The following SMOC2 variants were observed in gnomAD, a reference collection of about 807,000 sequenced individuals.
SMOC2 encodes SPARC related modular calcium binding 2, also known as SPARC-related modular calcium-binding protein 2.
In SMOC2, 39 loss-of-function variants were observed where a neutral mutation model predicts 61.4. That is an observed-to-expected ratio of 0.64 (90% confidence interval 0.49 to 0.83). The LOEUF is 0.83. SMOC2 is among the 40% of genes least tolerant of loss of function. The pLI is 0.00. For synonymous variants in SMOC2, 247 were observed against 239.9 expected, an observed-to-expected ratio of 1.03 and a Z score of -0.27; for missense variants, 556 against 592.9, an observed-to-expected ratio of 0.94 and a Z score of 0.65.
At chr6:168,592,466 C>T (rs1442637358) in intron 7 of SMOC2, among the ~76,000 whole-genome samples, 1 of 71,702 alleles carries the variant, frequency 1.4e-5, no homozygotes, top group Non-Finnish European at 2.9e-5. Flanking sequence ...TTCCTGAGGC[C>T]TCACGAGGGG....
At chr6:168,639,148 T>TA (rs1459804346) in intron 9 of SMOC2, among the ~76,000 whole-genome samples, 1 of 152,190 alleles carries the variant, frequency 6.6e-6, no homozygotes, top group Non-Finnish European at 1.5e-5. Context: ...GATGCAGCCA[T>TA]ACTCTGGCGT....
intron 1 of SMOC2, among the ~76,000 whole-genome samples, chr6:168,449,425 TAAC>T (rs1781409580): frequency 6.6e-6 from 1 of 152,154 alleles, no homozygotes; most frequent in Admixed American, 6.6e-5. Context: ...AAATTTCAAA[TAAC>T]AAAGGAAATT....
At chr6:168,602,014 A>G (rs1785565862) in intron 8 of SMOC2, among the ~76,000 whole-genome samples, 1 of 152,226 alleles carries the variant, frequency 6.6e-6, no homozygotes, top group South Asian at 2.1e-4. Flanking sequence ...TTGATTCTGC[A>G]TGTAATTTTA....
intron 1 of SMOC2, among the ~76,000 whole-genome samples, chr6:168,488,509 T>A (rs1249936284): frequency 6.6e-6 from 1 of 152,200 alleles, no homozygotes; most frequent in Non-Finnish European, 1.5e-5. Context: ...CTGGCCTGTC[T>A]CCACTCCTGG....
chr6:168,505,527 G>A (rs1455807586), intron 1 of SMOC2, among the ~76,000 whole-genome samples: 1 of 152,122 alleles, frequency 6.6e-6, no homozygotes, highest in Non-Finnish European at 1.5e-5. Context: ...ATGACTGAAT[G>A]AAATGTCCGT....
chr6:168,606,657 G>T (rs550566138), intron 8 of SMOC2, among the ~76,000 whole-genome samples: 1 of 152,300 alleles, frequency 6.6e-6, no homozygotes, highest in African/African-American at 2.4e-5. Context: ...GGATCTTGTA[G>T]CCCTTTCTTT....
At chr6:168,599,723 C>T (rs549732384) in intron 8 of SMOC2, among the ~76,000 whole-genome samples, 2 of 143,562 alleles carry the variant, frequency 1.4e-5, no homozygotes, top group South Asian at 4.5e-4. Context: ...CACACAACCA[C>T]TAATACTCTC....
intron 7 of SMOC2, among the ~76,000 whole-genome samples, chr6:168,551,180 G>A (rs1784121254): frequency 6.6e-6 from 1 of 152,148 alleles, no homozygotes. Flanking sequence ...TGATGAAGGT[G>A]CCTTGCTTCC....
intron 9 of SMOC2, among the ~76,000 whole-genome samples, chr6:168,618,636 G>T (rs554285524): frequency 6.6e-6 from 1 of 152,270 alleles, no homozygotes; most frequent in South Asian, 2.1e-4. Flanking sequence ...GCGAGTCAAG[G>T]AGAGGTGGTA....
rs773868446 is a variant in SMOC2, at chr6:168,598,767, G to A, written c.638-51G>A. 7 of 1,593,232 alleles carry A rather than the reference G, an allele frequency of 4.4e-6. No homozygotes were observed. The South Asian group carries it at 6.8e-5, about 15-fold the overall frequency. The stretch of plus-strand genomic sequence containing the variant: ...GTGGCCTCCCAAGAGCTCTGCATGT[G>A]GGACGACGTCGCTGGATCCTGCTCA... On this transcript the variant is annotated intron_variant, in intron 7 of 12. Transcript: ENST00000356284.
chr6:168,598,884 T>C lies in SMOC2; in HGVS notation c.704T>C (p.Val235Ala). The C allele has an allele frequency of 6.2e-7, 1 of 1,613,832 alleles. No homozygotes were observed. The highest frequency in any genetic ancestry group is 1.1e-5 in the South Asian group (1 of 91,078). Residue 235 changes from valine to alanine, a missense_variant, in exon 8 of 13, where the codon GTG becomes GCG. Val to Ala is a moderately conservative substitution (Grantham distance 64). Transcript: ENST00000356284. The part of the protein sequence containing the change: ...EEAKQPKNDN[V>A]VIPECAHGGL... ...GCCAAGCAGCCCAAGAACGACAATG[T>C]GGTGATCCCTGAGTGTGCGCACGGC...
intron 1 of SMOC2, among the ~76,000 whole-genome samples, chr6:168,451,628 T>TCTCC (rs959325689): frequency 3.4e-5 from 5 of 145,182 alleles, no homozygotes; most frequent in Admixed American, 6.9e-5. Context: ...TCTCTCTCTC[T>TCTCC]CCCTCCCTCT....
intron 7 of SMOC2, among the ~76,000 whole-genome samples, chr6:168,579,122 T>C (rs1266829872): frequency 6.6e-6 from 1 of 152,228 alleles, no homozygotes; most frequent in Non-Finnish European, 1.5e-5. Context: ...CTAGTAAGAA[T>C]TCAAACCGGG....
At chr6:168,596,094 C>T (rs1562370047) in intron 7 of SMOC2, among the ~76,000 whole-genome samples, 1 of 98,164 alleles carries the variant, frequency 1.0e-5, no homozygotes, top group African/African-American at 3.6e-5. Context: ...GAGGCATGAA[C>T]AAGCGCCACG....
At chr6:168,514,706 TG>T (rs11318542) in intron 2 of SMOC2, among the ~76,000 whole-genome samples, 29,008 of 152,188 alleles carry the variant, frequency 0.19, 2,969 homozygotes, top group Admixed American at 0.24. Context: ...GCTGTAGAAG[TG>T]GGGAGGTCAC....
At position 168,475,782 on chromosome 6, in the gene SMOC2, A is replaced by G. The variant is rs1297329594; in HGVS notation, c.85-34133A>G. 6.6e-6 allele frequency among the ~76,000 whole-genome samples: 1 copy of G among 152,082 alleles called. No homozygotes were observed. Among genetic ancestry groups the G allele is most frequent in the African/African-American group, 2.4e-5 (1 of 41,452 alleles). On this transcript the variant is annotated intron_variant, in intron 1 of 12. Coordinates refer to ENST00000356284, the MANE Select transcript of SMOC2 (RefSeq NM_001166412.2). This position sits in a 1 kb window ranked among gnomAD's most constrained non-coding sequence, Gnocchi z 4.6. ...TATTGGTGGAATAGGCAGGAGAGGG[A>G]GACAACGTCTCCGGAGCCAGTGGGT...
rs1003207191 is a variant in SMOC2, at chr6:168,475,341, C to T, written c.84+33887C>T. Reference sequence around the variant, plus strand: ...TCTCTGTGGACGTAGATTAAATTCACTCTCATTTATTCCTGAAGCATTTGG... The same window carrying T: ...TCTCTGTGGACGTAGATTAAATTCATTCTCATTTATTCCTGAAGCATTTGG... On this transcript the variant is annotated intron_variant, in intron 1 of 12. Coordinates refer to ENST00000356284, the MANE Select transcript of SMOC2 (RefSeq NM_001166412.2). The surrounding 1 kb of genome is among the most constrained non-coding windows in gnomAD (Gnocchi z 4.6). Among the ~76,000 whole-genome samples the T allele has an allele frequency of 6.6e-6, 1 of 152,154 alleles. No homozygotes were observed. Among genetic ancestry groups the T allele is most frequent in the Non-Finnish European group, 1.5e-5 (1 of 68,022 alleles).
chr6:168,577,262 CTT>C (rs1784825935), intron 7 of SMOC2, among the ~76,000 whole-genome samples: 1 of 152,018 alleles, frequency 6.6e-6, no homozygotes, highest in Non-Finnish European at 1.5e-5. Flanking sequence ...CTCTGTAAGA[CTT>C]TGCTGGACCA....
At chr6:168,658,124 C>T (rs2115283316) in intron 11 of SMOC2, among the ~76,000 whole-genome samples, 1 of 152,274 alleles carries the variant, frequency 6.6e-6, no homozygotes, top group East Asian at 1.9e-4. Flanking sequence ...AGGTGGCTGC[C>T]AGATCTGCAG....
Sources: allele counts gnomAD v4.1 joint callset (sites outside exome capture counted in the v4.1 genomes callset), GRCh38; gene constraint gnomAD v4.1.1; non-coding constraint Gnocchi (gnomAD v3.1); transcripts MANE v1.5; gene names NCBI Gene and HGNC (gene_info 2026-07-23, HGNC 2026-07-21).